Variants in PCOLCE observed in about 807,000 individuals in gnomAD.
The protein encoded by PCOLCE is procollagen C-endopeptidase enhancer, also known as procollagen C-endopeptidase enhancer 1.
In PCOLCE, 33 loss-of-function variants were observed where a neutral mutation model predicts 47.2. The observed-to-expected ratio is 0.70, with a 90% confidence interval of 0.53 to 0.93. The LOEUF is 0.93. Among genes scored for constraint, PCOLCE ranks in the 40% least tolerant of loss-of-function variants. PCOLCE has a pLI of 0.00. For synonymous variants in PCOLCE, 254 were observed against 252.5 expected (o/e 1.01, Z -0.06); for missense variants, 584 against 585.3 (o/e 1.00, Z 0.02).
In PCOLCE at chr7:100,604,691, C is replaced by A. The variant is rs1442290446; in HGVS notation, c.464-400C>A. The A allele has an allele frequency of 3.9e-4, 125 of 322,836 alleles. 2 individuals carry two copies. The highest frequency in any genetic ancestry group is 3.8e-3 in the South Asian group (124 of 32,566). 20.0% of individuals were successfully genotyped at this position (322,836 alleles called of 1,614,324 possible). On this transcript the variant is annotated intron_variant, in intron 3 of 8. Coordinates refer to ENST00000223061, the MANE Select transcript of PCOLCE (RefSeq NM_002593.4). The surrounding 1 kb of genome is among the most constrained non-coding windows in gnomAD (Gnocchi z 6.4). ...TCCCTTGCAATGTTTCAGGCGGGGA[C>A]CTCCCTAAAGGGGTCCTCGGGGGCT...
chr7:100,605,135 C>T lies in PCOLCE; in HGVS notation c.508C>T (p.Leu170=). The stretch of plus-strand genomic sequence containing the variant: ...GCGGCTGGAGAAGGCCCAGGGAACC[C>T]TGACCACGCCCAACTGGCCCGAGTC... The part of the protein sequence containing the change: ...GGRLEKAQGT[L]TTPNWPESDY... The change falls in exon 4 of 9, where the codon CTG becomes TTG. Residue 170 remains leucine (L), a synonymous_variant. Transcript: ENST00000223061. This position sits in a 1 kb window ranked among gnomAD's most constrained non-coding sequence, Gnocchi z 6.1. The T allele has an allele frequency of 6.2e-7, 1 of 1,613,056 alleles. No individual in the cohort carries two copies.
chr7:100,604,304 C>T lies in PCOLCE; in HGVS notation c.463+87C>T. The T allele has an allele frequency of 7.9e-7, 1 of 1,272,794 alleles. No homozygotes were observed. Among genetic ancestry groups the T allele is most frequent in the Admixed American group, 2.2e-5 (1 of 46,190 alleles). 78.8% of individuals were successfully genotyped at this position (1,272,794 alleles called of 1,614,324 possible). On this transcript the variant is annotated intron_variant, in intron 3 of 8. Coordinates refer to ENST00000223061, the MANE Select transcript of PCOLCE (RefSeq NM_002593.4). This position sits in a 1 kb window ranked among gnomAD's most constrained non-coding sequence, Gnocchi z 6.4. ...CCCCAGCCCTAACCTCCGCCCCGCC[C>T]ACCCCGCGCCCCAGTGCCTAGGGCC...
rs1237564739 is a variant in PCOLCE at position 100,605,409 on chromosome 7, A to G, written c.588+194A>G. On this transcript the variant is annotated intron_variant, in intron 4 of 8. Coordinates refer to ENST00000223061, the MANE Select transcript of PCOLCE (RefSeq NM_002593.4). The surrounding 1 kb of genome is among the most constrained non-coding windows in gnomAD (Gnocchi z 6.1). Reference sequence around the variant, plus strand: ...TTACAACTGAGACAAGTCTCAGGAGAGCGAGGTACAGGGTCCTGGTATAAC... The same window carrying G: ...TTACAACTGAGACAAGTCTCAGGAGGGCGAGGTACAGGGTCCTGGTATAAC... 1 of 671,738 alleles carries G rather than the reference A, an allele frequency of 1.5e-6. No homozygotes were observed. The allele number at this position is 671,738 out of a possible 1,614,324, so 41.6% of individuals were successfully genotyped here.
chr7:100,603,019 C>A, intron 1 of PCOLCE: 1 of 245,084 alleles, frequency 4.1e-6, no homozygotes, highest in South Asian at 6.8e-5. Flanking sequence ...ATCGCCACTG[C>A]AGCTCCCTCC....
In PCOLCE at chr7:100,602,498, C is replaced by T. The variant is rs1250466913; in HGVS notation, c.42C>T (p.Leu14=). 3.1e-6 allele frequency: 5 copies of T among 1,613,092 alleles called. No homozygotes were observed. In the African/African-American group the frequency reaches 5.3e-5, roughly 17 times the overall value. ...AATASLLGPL[L]TACALLPFAQ... is the part of the protein sequence containing the mutation. ...CAGCCTCCCTCCTGGGGCCCCTCCT[C>T]ACTGCCTGCGCCCTGCTGCCTTTTG... The change falls in exon 1 of 9, where the codon CTC becomes CTT. Residue 14 remains leucine (L), a synonymous_variant. Transcript: ENST00000223061.
At chr7:100,603,607 A>ACCCCCCCCCCCCCCCCCCCCCCCCCCCCT (rs112882557) in intron 2 of PCOLCE, 69 bp downstream of exon 2, 4 of 544,644 alleles carry the variant, frequency 7.3e-6, no homozygotes, top group Admixed American at 4.0e-5. Flanking sequence ...CTGCGAAGGG[A>ACCCCCCCCCCCCCCCCCCCCCCCCCCCCT]CCCCCCCCCC....
Position 100,603,957 on chromosome 7 carries a change from A to C in PCOLCE, c.205-2A>C, listed in dbSNP as rs1399105413. 2 of 1,600,134 alleles carry C rather than the reference A, an allele frequency of 1.2e-6. No homozygotes were observed. Among genetic ancestry groups the C allele is most frequent in the East Asian group, 4.5e-5 (2 of 44,850 alleles). ...GGTCCCCGCCTCTGTCCCCGCTATC[A>C]GGTCCCCGAGGGCCAGACTGTGTCC... On this transcript the variant is annotated splice_acceptor_variant, in intron 2 of 8. Coordinates refer to ENST00000223061, the MANE Select transcript of PCOLCE (RefSeq NM_002593.4). LOFTEE classifies it high-confidence loss of function.
intron 6 of PCOLCE, 66 bp downstream of exon 6, chr7:100,606,696 T>G (rs1802724069): frequency 7.8e-7 from 1 of 1,278,218 alleles, no homozygotes; most frequent in Non-Finnish European, 1.1e-6. Flanking sequence ...AGTTCTGACC[T>G]GGGCTGTGGC....
At position 100,605,867 on chromosome 7, in the gene PCOLCE, C is replaced by A. The variant is rs1331475804; in HGVS notation, c.725+55C>A. The A allele has an allele frequency of 7.2e-6, 11 of 1,527,496 alleles. No homozygotes were observed. Among genetic ancestry groups the A allele is most frequent in the African/African-American group, 4.1e-5 (3 of 72,508 alleles). 94.6% of individuals were successfully genotyped at this position (1,527,496 alleles called of 1,614,324 possible). A position where few individuals can be genotyped will look rare whatever the true frequency, so the allele number is the denominator to read the frequency against. On this transcript the variant is annotated intron_variant, in intron 5 of 8. Coordinates refer to ENST00000223061, the MANE Select transcript of PCOLCE (RefSeq NM_002593.4). The surrounding 1 kb of genome is among the most constrained non-coding windows in gnomAD (Gnocchi z 6.1). ...AGAGAGTCGGCGGACCGCACGCACG[C>A]GGCTGTTTGGAGGGGCGGGGTTCAG... is the stretch of plus-strand genomic sequence containing the variant.
At chr7:100,607,346 G>A (rs1364613136) in intron 6 of PCOLCE, 106 bp from the exon 7 acceptor site, 10 of 870,714 alleles carry the variant, frequency 1.1e-5, no homozygotes, top group African/African-American at 1.7e-5. Flanking sequence ...TGCTAGGACC[G>A]GAAGCCTGAC....
Position 100,606,642 on chromosome 7 carries a change from A to G in PCOLCE, c.940+12A>G. 6.3e-7 allele frequency: 1 copy of G among 1,579,064 alleles called. No individual in the cohort carries two copies. The highest frequency in any genetic ancestry group is 8.6e-7 in the Non-Finnish European group (1 of 1,157,110). On this transcript the variant is annotated intron_variant, in intron 6 of 8. Coordinates refer to ENST00000223061, the MANE Select transcript of PCOLCE (RefSeq NM_002593.4). The stretch of plus-strand genomic sequence containing the variant: ...TCCTTCAGCCCCTGGTGAGTCTGGG[A>G]TAGGGGAGGAAGGGGAAACAGACTG...
chr7:100,604,835 AGGGG>A lies in PCOLCE; in HGVS notation c.464-254_464-251del, dbSNP rs961214042. 17 of 505,568 alleles carry A rather than the reference AGGGG, an allele frequency of 3.4e-5. No homozygotes were observed. Among genetic ancestry groups the A allele is most frequent in the Non-Finnish European group, 5.0e-5 (14 of 281,040 alleles). 31.3% of individuals were successfully genotyped at this position (505,568 alleles called of 1,614,324 possible). On this transcript the variant is annotated intron_variant, in intron 3 of 8. Coordinates refer to ENST00000223061, the MANE Select transcript of PCOLCE (RefSeq NM_002593.4). The surrounding 1 kb of genome is among the most constrained non-coding windows in gnomAD (Gnocchi z 6.4). ...GGCCGCGGGTCGGGGAGGGGCCAGAAGGGGGCGTCCAGCCAGTTCCTCCTCCCGC... is the reference window on the plus strand; with the variant it reads ...GGCCGCGGGTCGGGGAGGGGCCAGAAGCGTCCAGCCAGTTCCTCCTCCCGC...
chr7:100,603,952 CTATCAGGTCCCCGA>C lies in PCOLCE; in HGVS notation c.205-6_212del. The C allele has an allele frequency of 6.3e-7, 1 of 1,599,796 alleles. No individual in the cohort carries two copies. The highest frequency in any genetic ancestry group is 8.5e-7 in the Non-Finnish European group (1 of 1,179,192). On this transcript the variant is annotated splice_acceptor_variant and splice_polypyrimidine_tract_variant and coding_sequence_variant and intron_variant, in exon 3 of 9. Transcript: ENST00000223061. LOFTEE classifies it high-confidence loss of function. ...CTGTGGGTCCCCGCCTCTGTCCCCG[CTATCAGGTCCCCGA>C]GGGCCAGACTGTGTCCCTCTCATTC...
At position 100,604,277 on chromosome 7, in the gene PCOLCE, G is replaced by A; in HGVS notation, c.463+60G>A. The A allele has an allele frequency of 7.9e-7, 1 of 1,259,102 alleles. No homozygotes were observed. The highest frequency in any genetic ancestry group is 1.4e-5 in the South Asian group (1 of 73,642). The allele number at this position is 1,259,102 out of a possible 1,614,324, so 78.0% of individuals were successfully genotyped here. A position where few individuals can be genotyped will look rare whatever the true frequency, so the allele number is the denominator to read the frequency against. Reference sequence around the variant, plus strand: ...CAGGCCCCGCCCCGGCCGCAGCCCCGCCCCCAGCCCTAACCTCCGCCCCGC... The same window carrying A: ...CAGGCCCCGCCCCGGCCGCAGCCCCACCCCCAGCCCTAACCTCCGCCCCGC... On this transcript the variant is annotated intron_variant, in intron 3 of 8. Transcript: ENST00000223061. The surrounding 1 kb of genome is among the most constrained non-coding windows in gnomAD (Gnocchi z 6.4).
At chr7:100,607,090 C>CAAAAAAAAAAAAAAAAAAAAAAAAAAA (rs559618495) in intron 6 of PCOLCE, among the ~76,000 whole-genome samples, 9 of 105,242 alleles carry the variant, frequency 8.6e-5, no homozygotes, top group African/African-American at 3.4e-4. Context: ...GATTCTGTCT[C>CAAAAAAAAAAAAAAAAAAAAAAAAAAA]AAAAAAAAAA....
rs916390876 is a variant in PCOLCE, at chr7:100,603,964, C to T, written c.210C>T (p.Pro70=). 3 of 1,601,024 alleles carry T rather than the reference C, an allele frequency of 1.9e-6. No individual in the cohort carries two copies. Among genetic ancestry groups the T allele is most frequent in the Non-Finnish European group, 2.5e-6 (3 of 1,179,710 alleles). ...NKECIWTITV[P]EGQTVSLSFR... is the part of the protein sequence containing the mutation. Reference sequence around the variant, plus strand: ...GCCTCTGTCCCCGCTATCAGGTCCCCGAGGGCCAGACTGTGTCCCTCTCAT... The same window carrying T: ...GCCTCTGTCCCCGCTATCAGGTCCCTGAGGGCCAGACTGTGTCCCTCTCAT... Residue 70 remains proline, a synonymous_variant, in exon 3 of 9, where the codon CCC becomes CCT. Transcript: ENST00000223061.
In PCOLCE at chr7:100,603,985, C is replaced by G; in HGVS notation, c.231C>G (p.Leu77=). The change falls in exon 3 of 9, where the codon CTC becomes CTG. Residue 77 remains leucine, a synonymous_variant. Coordinates refer to ENST00000223061, the MANE Select transcript of PCOLCE (RefSeq NM_002593.4). ...TCCCCGAGGGCCAGACTGTGTCCCT[C>G]TCATTCCGAGTCTTCGACCTGGAGC... ...ITVPEGQTVS[L]SFRVFDLELH... 1 of 1,602,928 alleles carries G rather than the reference C, an allele frequency of 6.2e-7. No individual in the cohort carries two copies. The highest frequency in any genetic ancestry group is 1.7e-5 in the Admixed American group (1 of 60,022).
At position 100,606,444 on chromosome 7, in the gene PCOLCE, C is replaced by A. The variant is rs758180510; in HGVS notation, c.754C>A (p.Leu252Ile). Residue 252 changes from leucine (L) to isoleucine (I), a missense_variant, in exon 6 of 9, where the codon CTC becomes ATC. By Grantham distance (5) the Leu-to-Ile change is conservative. Transcript: ENST00000223061. Reference protein sequence around the residue: ...GSISSEGNELLVQFVSDLSVT... With the variant: ...GSISSEGNELIVQFVSDLSVT... ...CATCTCCTCCGAAGGGAATGAACTC[C>A]TCGTCCAGTTCGTCTCAGATCTCAG... 4 of 1,613,906 alleles carry A rather than the reference C, an allele frequency of 2.5e-6. No homozygotes were observed. In the African/African-American group the frequency reaches 4.0e-5, roughly 16 times the overall value.
chr7:100,605,562 G>A lies in PCOLCE; in HGVS notation c.589-114G>A, dbSNP rs1015792768. The A allele has an allele frequency of 1.5e-6, 2 of 1,314,652 alleles. No individual in the cohort carries two copies. The highest frequency in any genetic ancestry group is 1.4e-5 in the South Asian group (1 of 70,252). 81.4% of individuals were successfully genotyped at this position (1,314,652 alleles called of 1,614,324 possible). Reference sequence around the variant, plus strand: ...TGGTGTGAACGCCTTCAGGAGGGGGGCCCAGAGGACGCGGGAGGTGGGAGT... The same window carrying A: ...TGGTGTGAACGCCTTCAGGAGGGGGACCCAGAGGACGCGGGAGGTGGGAGT... On this transcript the variant is annotated intron_variant, in intron 4 of 8. Coordinates refer to ENST00000223061, the MANE Select transcript of PCOLCE (RefSeq NM_002593.4). This position sits in a 1 kb window ranked among gnomAD's most constrained non-coding sequence, Gnocchi z 6.1.
Sources: gnomAD v4.1 joint callset for allele counts (sites outside exome capture counted in the v4.1 genomes callset) on GRCh38, gnomAD v4.1.1 for gene constraint, Gnocchi (gnomAD v3.1) non-coding constraint, MANE v1.5 for transcripts, NCBI Gene and HGNC (gene_info 2026-07-23, HGNC 2026-07-21) for gene names.